Variants in NAP1L4 observed in about 807,000 individuals in gnomAD.
The protein encoded by NAP1L4 is nucleosome assembly protein 1-like 4.
In NAP1L4, 15 loss-of-function variants were observed where a neutral mutation model predicts 58.2. The ratio of observed to expected loss-of-function variants is 0.26; its 90% CI spans 0.17 to 0.40. The LOEUF (loss-of-function observed/expected upper bound fraction) is 0.40, where lower values mean the gene tolerates loss of function less well. NAP1L4 is among the 10% of genes least tolerant of loss of function. The probability of loss-of-function intolerance (pLI) is 1.00; values close to 1 mark genes in which losing one functional copy is unlikely to be tolerated. For synonymous variants in NAP1L4, 171 were observed against 155.6 expected, an observed-to-expected ratio of 1.10 and a Z score of -0.74; for missense variants, 384 against 451.1, an observed-to-expected ratio of 0.85 and a Z score of 1.35.
intron 7 of NAP1L4, among the ~76,000 whole-genome samples, chr11:2,967,835 T>C (rs1318668368): frequency 6.6e-6 from 1 of 151,712 alleles, no homozygotes; most frequent in East Asian, 1.9e-4. Flanking sequence ...ACTACAGAGG[T>C]GCTGGGAGAA....
intron 7 of NAP1L4, among the ~76,000 whole-genome samples, chr11:2,966,530 C>A (rs1480008974): frequency 1.3e-5 from 2 of 152,150 alleles, no homozygotes; most frequent in Middle Eastern, 3.2e-3. Flanking sequence ...TGAGGTATTT[C>A]CCCCCTTTCT....
At chr11:2,974,612 T>C (rs1847841372) in intron 4 of NAP1L4, among the ~76,000 whole-genome samples, 1 of 152,168 alleles carries the variant, frequency 6.6e-6, no homozygotes, top group Admixed American at 6.5e-5. Context: ...TGTCACCTTC[T>C]AGGCCAGGCG....
intron 1 of NAP1L4, among the ~76,000 whole-genome samples, chr11:2,987,049 T>C (rs1848676131): frequency 6.6e-6 from 1 of 152,208 alleles, no homozygotes; most frequent in Non-Finnish European, 1.5e-5. Flanking sequence ...CCAGGAGTAC[T>C]GGATGTTTTA....
chr11:2,970,042 C>A, intron 6 of NAP1L4, 108 bp from the exon 7 acceptor site: 1 of 1,206,542 alleles, frequency 8.3e-7, no homozygotes, highest in Non-Finnish European at 1.1e-6. Flanking sequence ...CATCAAACAC[C>A]TTGCTTTCTA....
At chr11:2,978,817 G>A (rs987379862) in intron 2 of NAP1L4, among the ~76,000 whole-genome samples, 1 of 152,074 alleles carries the variant, frequency 6.6e-6, no homozygotes, top group African/African-American at 2.4e-5. Flanking sequence ...AAAGATGCCT[G>A]GACACACCTC....
intron 7 of NAP1L4, among the ~76,000 whole-genome samples, chr11:2,967,482 A>G (rs1027302087): frequency 1.1e-4 from 16 of 152,074 alleles, no homozygotes; most frequent in African/African-American, 2.7e-4. Context: ...GTGGTGGCGG[A>G]TGCCTGTAGT....
At chr11:2,976,368 G>C (rs1847961960) in intron 3 of NAP1L4, among the ~76,000 whole-genome samples, 2 of 152,154 alleles carry the variant, frequency 1.3e-5, no homozygotes, top group South Asian at 4.1e-4. Flanking sequence ...CACCTAGAGA[G>C]TCCTGGCTCT....
At position 2,949,283 on chromosome 11, in the gene NAP1L4, T is replaced by C; in HGVS notation, c.1123-19A>G. On this transcript the variant is annotated intron_variant, in intron 14 of 15. Coordinates refer to ENST00000380542, the MANE Select transcript of NAP1L4 (RefSeq NM_005969.4). The surrounding 1 kb of genome is among the most constrained non-coding windows in gnomAD (Gnocchi z 4.0). ...ATTACACCTAAATGGGGAAAAAAAT[T>C]GAAAGGAACTGTCAGCATGAAAGAA... 6.3e-7 allele frequency: 1 copy of C among 1,579,304 alleles called. No individual in the cohort carries two copies. The highest frequency in any genetic ancestry group is 1.7e-4 in the Middle Eastern group (1 of 6,012).
intron 8 of NAP1L4, 122 bp downstream of exon 8, chr11:2,964,558 C>A: frequency 1.4e-6 from 1 of 738,108 alleles, no homozygotes; most frequent in Non-Finnish European, 2.3e-6. Context: ...TCGCCCAGGG[C>A]TGCCCAGCAG....
intron 3 of NAP1L4, among the ~76,000 whole-genome samples, chr11:2,977,199 G>GT (rs1436866482): frequency 6.6e-6 from 1 of 152,214 alleles, no homozygotes; most frequent in Non-Finnish European, 1.5e-5. Context: ...TAAAACCTCC[G>GT]TGTGAAAGTT....
At position 2,955,351 on chromosome 11, in the gene NAP1L4, G is replaced by A. The variant is rs1382202424; in HGVS notation, c.915+393C>T. 1.3e-5 allele frequency among the ~76,000 whole-genome samples: 2 copies of A among 150,548 alleles called. No homozygotes were observed. The highest frequency in any genetic ancestry group is 2.9e-5 in the Non-Finnish European group (2 of 67,956). ...AGCTGAGATTACAGGCGCTGCCACC[G>A]TGTCCAACTAATTTTTTTTTTTTTT... On this transcript the variant is annotated intron_variant, in intron 11 of 15. Transcript: ENST00000380542. The surrounding 1 kb of genome is among the most constrained non-coding windows in gnomAD (Gnocchi z 4.2).
At chr11:2,981,752 AG>A (rs1848331334) in intron 1 of NAP1L4, 1 of 152,234 alleles carries the variant, frequency 6.6e-6, no homozygotes, top group Non-Finnish European at 1.5e-5. Flanking sequence ...GCTTGAATAC[AG>A]GAGGCAGAGG....
intron 14 of NAP1L4, among the ~76,000 whole-genome samples, chr11:2,950,770 T>C (rs1846183892): frequency 6.6e-6 from 1 of 152,194 alleles, no homozygotes; most frequent in Non-Finnish European, 1.5e-5. Context: ...CCAATTTATT[T>C]TAAATTATCT....
intron 7 of NAP1L4, among the ~76,000 whole-genome samples, chr11:2,965,050 C>T (rs1445145887): frequency 6.6e-6 from 1 of 152,246 alleles, no homozygotes; most frequent in Non-Finnish European, 1.5e-5. Context: ...AGGGCCTTCA[C>T]TGCTTTCCTG....
At chr11:2,950,474 C>T (rs576542006) in intron 14 of NAP1L4, among the ~76,000 whole-genome samples, 3 of 152,258 alleles carry the variant, frequency 2.0e-5, no homozygotes, top group Admixed American at 1.3e-4. Flanking sequence ...AACGTCTAGT[C>T]GGACAGAGAC....
At chr11:2,963,829 A>T (rs1419587720) in intron 8 of NAP1L4, 1 of 519,286 alleles carries the variant, frequency 1.9e-6, no homozygotes, top group Non-Finnish European at 3.8e-6. Flanking sequence ...TGTCGCTGGA[A>T]ATGCTATTGC....
chr11:2,974,687 G>A (rs1465500094), intron 4 of NAP1L4, among the ~76,000 whole-genome samples: 1 of 152,146 alleles, frequency 6.6e-6, no homozygotes, highest in Non-Finnish European at 1.5e-5. Flanking sequence ...CCTGAGGTCA[G>A]GAGCTGGAGA....
chr11:2,986,088 C>T (rs1848599393), intron 1 of NAP1L4, among the ~76,000 whole-genome samples: 1 of 152,162 alleles, frequency 6.6e-6, no homozygotes, highest in Non-Finnish European at 1.5e-5. Flanking sequence ...TAAAATTGGG[C>T]CATGGCCAGG....
chr11:2,964,402 T>C (rs563638614), intron 8 of NAP1L4, among the ~76,000 whole-genome samples: 38 of 152,230 alleles, frequency 2.5e-4, no homozygotes, highest in African/African-American at 8.9e-4. Flanking sequence ...GTCTGGGGCA[T>C]CACATGGTCT....
Sources: allele counts gnomAD v4.1 joint callset (sites outside exome capture counted in the v4.1 genomes callset), GRCh38; gene constraint gnomAD v4.1.1; non-coding constraint Gnocchi (gnomAD v3.1); transcripts MANE v1.5; gene names NCBI Gene and HGNC (gene_info 2026-07-23, HGNC 2026-07-21).